The following HGF variants were observed in gnomAD, a reference collection of about 807,000 sequenced individuals.
HGF encodes the protein fibroblast-derived tumor cytotoxic factor.
In HGF, 39 loss-of-function variants were observed where a neutral mutation model predicts 111.6. The ratio of observed to expected loss-of-function variants is 0.35; its 90% CI spans 0.27 to 0.46. The LOEUF (loss-of-function observed/expected upper bound fraction) is 0.46. Among genes scored for constraint, HGF ranks in the 20% least tolerant of loss-of-function variants. HGF has a pLI of 1.00. For synonymous variants in HGF, 285 were observed against 294.8 expected (o/e 0.97, Z 0.34); for missense variants, 735 against 910.5 (o/e 0.81, Z 2.48).
intron 5 of HGF, among the ~76,000 whole-genome samples, chr7:81,747,043 A>G (rs2057937): frequency 0.77 from 117,804 of 152,110 alleles, 45,781 homozygotes; most frequent in Middle Eastern, 0.88. Context: ...AACAGGATCT[A>G]TTATAAAAGT....
intron 17 of HGF, 104 bp downstream of exon 17, chr7:81,705,286 T>C: frequency 9.3e-7 from 1 of 1,073,056 alleles, no homozygotes; most frequent in South Asian, 1.3e-5. Context: ...CTAGAATAGG[T>C]TGGTATACAA....
intron 11 of HGF, among the ~76,000 whole-genome samples, chr7:81,716,244 C>G (rs1434160302): frequency 6.6e-6 from 1 of 152,082 alleles, no homozygotes; most frequent in Admixed American, 6.6e-5. Context: ...ACTAAACATG[C>G]TACAATGCAC....
chr7:81,706,253 G>C, intron 15 of HGF, 34 bp downstream of exon 15: 1 of 1,603,572 alleles, frequency 6.2e-7, no homozygotes, highest in Non-Finnish European at 8.5e-7. Flanking sequence ...TTCTTGTCCA[G>C]GTGAAAAATA....
chr7:81,749,817 A>G (rs1473173460), intron 5 of HGF, among the ~76,000 whole-genome samples: 1 of 152,042 alleles, frequency 6.6e-6, no homozygotes. Flanking sequence ...TTAATTTTAA[A>G]CAAATTTCAG....
In HGF at chr7:81,702,789, A is replaced by C. The variant is rs5745767; in HGVS notation, c.2011-32T>G. 201 of 1,577,852 alleles carry C rather than the reference A, an allele frequency of 1.3e-4. No individual in the cohort carries two copies. In the East Asian group the frequency reaches 4.3e-3, roughly 34 times the overall value. ...GTAAGACATACAAAAACAAAGTATT[A>C]TTAGGAATTAAAAAAAAGCTCATTA... On this transcript the variant is annotated intron_variant, in intron 17 of 17. Coordinates refer to ENST00000222390, the MANE Select transcript of HGF (RefSeq NM_000601.6).
intron 1 of HGF, among the ~76,000 whole-genome samples, chr7:81,766,255 G>T (rs1199410314): frequency 1.3e-5 from 2 of 152,108 alleles, no homozygotes; most frequent in Admixed American, 1.3e-4. Flanking sequence ...GGAAAATCAT[G>T]CAAGGAAAGG....
At chr7:81,720,985 C>T in intron 9 of HGF, 138 bp from the exon 10 acceptor site, 2 of 633,246 alleles carry the variant, frequency 3.2e-6, no homozygotes, top group Non-Finnish European at 2.9e-6. Flanking sequence ...GTGGCTCACG[C>T]CTGTAATCCC....
rs1411255647 is a variant in HGF at position 81,752,209 on chromosome 7, T to C, written c.536A>G (p.Asn179Ser). ...GGGTCCCCCTTCTTCCCCTCGAGGA[T>C]TTCGACAGTAGTTTTCCTGTAGGTC... The part of the protein sequence containing the change: ...GKDLQENYCR[N>S]PRGEEGGPWC... Residue 179 changes from asparagine (N) to serine (S), a missense_variant, in exon 5 of 18, where the codon AAT (asparagine) becomes AGT (serine). Asn to Ser is a conservative substitution (Grantham distance 46). Coordinates refer to ENST00000222390, the MANE Select transcript of HGF (RefSeq NM_000601.6). 6.2e-7 allele frequency: 1 copy of C among 1,613,550 alleles called. No individual in the cohort carries two copies. Among genetic ancestry groups the C allele is most frequent in the Non-Finnish European group, 8.5e-7 (1 of 1,179,588 alleles).
chr7:81,747,700 G>T, intron 5 of HGF, among the ~76,000 whole-genome samples: 1 of 152,124 alleles, frequency 6.6e-6, no homozygotes, highest in East Asian at 1.9e-4. Context: ...AAAGGTATAG[G>T]CCAGGTGCAG....
In HGF at chr7:81,726,683, C is replaced by T. The variant is rs185056470; in HGVS notation, c.1041-666G>A. 7.6e-4 allele frequency among the ~76,000 whole-genome samples: 115 copies of T among 152,034 alleles called. 1 individual carries two copies. Among genetic ancestry groups the T allele is most frequent in the African/African-American group, 2.6e-3 (107 of 41,504 alleles). The stretch of plus-strand genomic sequence containing the variant: ...CTATAGAAAAACGAACTATAGAACA[C>T]ATTTTCAATGTAGTACACGTATATT... On this transcript the variant is annotated intron_variant, in intron 8 of 17. Transcript: ENST00000222390.
intron 4 of HGF, chr7:81,756,982 G>T (rs1196461113): frequency 1.7e-6 from 1 of 593,088 alleles, no homozygotes; most frequent in Admixed American, 3.0e-5. Flanking sequence ...ATTAAGGTAA[G>T]ATATTGTTTT....
intron 1 of HGF, among the ~76,000 whole-genome samples, chr7:81,767,156 A>G (rs17155449): frequency 0.021 from 3,146 of 152,252 alleles, 93 homozygotes; most frequent in African/African-American, 0.07. Flanking sequence ...TTGATTCTCT[A>G]TGCTGAAAAT....
At chr7:81,725,791 G>C (rs894047320) in intron 9 of HGF, 99 bp downstream of exon 9, 15 of 1,348,088 alleles carry the variant, frequency 1.1e-5, no homozygotes, top group Non-Finnish European at 1.6e-5. Context: ...AGCAAAACCA[G>C]TGCAGCAAGA....
intron 1 of HGF, among the ~76,000 whole-genome samples, chr7:81,764,336 A>G: frequency 6.6e-6 from 1 of 152,116 alleles, no homozygotes; most frequent in East Asian, 1.9e-4. Context: ...AAAACTCCAA[A>G]GCACAATCTC....
intron 11 of HGF, among the ~76,000 whole-genome samples, chr7:81,713,293 G>A (rs1309395221): frequency 1.3e-5 from 2 of 152,096 alleles, no homozygotes; most frequent in Admixed American, 6.6e-5. Flanking sequence ...CTGGGAGGCC[G>A]AGGCGGATGG....
intron 9 of HGF, among the ~76,000 whole-genome samples, chr7:81,723,884 C>A: frequency 6.7e-6 from 1 of 149,744 alleles, no homozygotes; most frequent in Middle Eastern, 4.5e-3. Flanking sequence ...AGAAAAATAC[C>A]TAGATCTAAG....
intron 11 of HGF, among the ~76,000 whole-genome samples, chr7:81,714,936 A>T (rs1190209550): frequency 6.6e-6 from 1 of 152,162 alleles, no homozygotes; most frequent in African/African-American, 2.4e-5. Flanking sequence ...ACATTGAAAT[A>T]AAATGATTTA....
intron 16 of HGF, 29 bp downstream of exon 16, chr7:81,705,618 A>C (rs2115764195): frequency 6.3e-7 from 1 of 1,591,492 alleles, no homozygotes. Flanking sequence ...TAAAATAAAT[A>C]TGGCCTCATC....
intron 11 of HGF, among the ~76,000 whole-genome samples, chr7:81,712,224 A>T (rs1789590742): frequency 6.6e-6 from 1 of 151,988 alleles, no homozygotes; most frequent in South Asian, 2.1e-4. Flanking sequence ...CGTGTTCATT[A>T]TTGTCTACTT....
Sources: allele counts gnomAD v4.1 joint callset (sites outside exome capture counted in the v4.1 genomes callset), GRCh38; gene constraint gnomAD v4.1.1; transcripts MANE v1.5; gene names NCBI Gene and HGNC (gene_info 2026-07-23, HGNC 2026-07-21).